AFF1: variants seen among roughly 807,000 people sequenced by gnomAD.
AFF1 encodes ALF transcription elongation factor 1, also known as AF4/FMR2 family member 1.
In AFF1, 48 loss-of-function variants were observed where a neutral mutation model predicts 121.7. That is an observed-to-expected ratio of 0.39 (90% confidence interval 0.31 to 0.50). AFF1 has a LOEUF of 0.50. Among genes scored for constraint, AFF1 ranks in the 20% least tolerant of loss-of-function variants. The pLI, the probability that AFF1 is intolerant of heterozygous loss-of-function variation, is 0.76. For synonymous variants in AFF1, 613 were observed against 563.0 expected (o/e 1.09, Z -1.26); for missense variants, 1,523 against 1,511.7 (o/e 1.01, Z -0.12).
chr4:87,056,426 G>A (rs1307012147), intron 4 of AFF1, among the ~76,000 whole-genome samples: 1 of 151,968 alleles, frequency 6.6e-6, no homozygotes, highest in Non-Finnish European at 1.5e-5. Flanking sequence ...TTTCCTTAGA[G>A]CTCAATTTTT....
chr4:86,996,173 A>C (rs1425834461), intron 2 of AFF1, among the ~76,000 whole-genome samples: 2 of 141,962 alleles, frequency 1.4e-5, no homozygotes. Context: ...GGCCGCCCCT[A>C]CTGGGAAGTG....
chr4:86,951,160 A>G (rs1267640722), intron 2 of AFF1, among the ~76,000 whole-genome samples: 1 of 152,192 alleles, frequency 6.6e-6, no homozygotes, highest in Non-Finnish European at 1.5e-5. Context: ...GTCATATAGC[A>G]ATGCTCAGAA....
intron 4 of AFF1, among the ~76,000 whole-genome samples, chr4:87,067,755 T>C (rs1055824700): frequency 5.1e-4 from 77 of 152,342 alleles, no homozygotes; most frequent in African/African-American, 1.8e-3. Flanking sequence ...GTTTCTAATA[T>C]GTCAGAATTG....
At chr4:86,995,852 CA>C in intron 2 of AFF1, among the ~76,000 whole-genome samples, 1 of 150,804 alleles carries the variant, frequency 6.6e-6, no homozygotes, top group African/African-American at 2.5e-5. Flanking sequence ...GCCGCCATCC[CA>C]TCTGGGAAGT....
chr4:87,026,411 G>A (rs1222237541), intron 2 of AFF1, among the ~76,000 whole-genome samples: 2 of 152,042 alleles, frequency 1.3e-5, no homozygotes, highest in East Asian at 3.9e-4. Flanking sequence ...ACCATTCCCT[G>A]TACTCGTTTA....
rs751029258 is a variant in AFF1 at position 87,069,816 on chromosome 4, A to ATTT, written c.1060-14286_1060-14284dup. ...AATAAGGTATTCCTTATCACTCAGG[A>ATTT]TTTTTTTTTTTTTTTTTTTTGAGAC... On this transcript the variant is annotated intron_variant, in intron 4 of 20. Transcript: ENST00000395146. 4.0e-3 allele frequency among the ~76,000 whole-genome samples: 491 copies of ATTT among 121,276 alleles called. 12 individuals are homozygous for ATTT. Among genetic ancestry groups the ATTT allele is most frequent in the Middle Eastern group, 0.015 (3 of 196 alleles). 79.6% of individuals were successfully genotyped at this position (121,276 alleles called of 152,430 possible).
chr4:86,986,933 C>T (rs2053770), intron 2 of AFF1, among the ~76,000 whole-genome samples: 65,173 of 151,828 alleles, frequency 0.43, 16,689 homozygotes, highest in South Asian at 0.65. Flanking sequence ...GCATGGCTTG[C>T]TGGGTACAAG....
At chr4:86,953,125 A>C (rs1268528561) in intron 2 of AFF1, among the ~76,000 whole-genome samples, 3 of 152,122 alleles carry the variant, frequency 2.0e-5, no homozygotes, top group Non-Finnish European at 4.4e-5. Flanking sequence ...CATTCTAGCA[A>C]TTACAGAGCT....
intron 4 of AFF1, among the ~76,000 whole-genome samples, chr4:87,068,410 G>C (rs1721609184): frequency 6.6e-6 from 1 of 152,176 alleles, no homozygotes; most frequent in South Asian, 2.1e-4. Context: ...GGTTTTAATA[G>C]GAACTCCCAC....
chr4:87,022,596 A>ATATC (rs1728088941), intron 2 of AFF1, among the ~76,000 whole-genome samples: 4 of 102,676 alleles, frequency 3.9e-5, no homozygotes, highest in Non-Finnish European at 5.9e-5. Context: ...ATCTATATCT[A>ATATC]TCTGTGTGTA....
rs1452808631 is a variant in AFF1 at position 87,137,069 on chromosome 4, A to T, written c.*1368A>T. ...ACAATCAGAAATCCCATGTGCCCATAAGCACAGATTTTTCTTTTTCATTGA... is the reference window on the plus strand; with the variant it reads ...ACAATCAGAAATCCCATGTGCCCATTAGCACAGATTTTTCTTTTTCATTGA... On this transcript the variant is annotated 3_prime_UTR_variant, in exon 21 of 21. Coordinates refer to ENST00000395146, the MANE Select transcript of AFF1 (RefSeq NM_001166693.3). 1 of 224,422 alleles carries T rather than the reference A, an allele frequency of 4.5e-6. No homozygotes were observed. Among genetic ancestry groups the T allele is most frequent in the Admixed American group, 5.7e-5 (1 of 17,428 alleles). The allele number at this position is 224,422 out of a possible 1,614,324, so 13.9% of individuals were successfully genotyped here.
chr4:86,954,291 C>G (rs1022663470), intron 2 of AFF1, among the ~76,000 whole-genome samples: 3 of 152,064 alleles, frequency 2.0e-5, no homozygotes, highest in African/African-American at 7.2e-5. Flanking sequence ...CTTTTGGCTC[C>G]CTAAAAGCTT....
intron 2 of AFF1, among the ~76,000 whole-genome samples, chr4:86,979,342 T>C (rs1310849102): frequency 3.9e-5 from 6 of 151,904 alleles, no homozygotes; most frequent in Non-Finnish European, 8.8e-5. Context: ...CAGGTGATCC[T>C]CCCGCCTCGG....
intron 2 of AFF1, among the ~76,000 whole-genome samples, chr4:86,955,503 A>AT (rs906909316): frequency 6.6e-6 from 1 of 151,982 alleles, no homozygotes; most frequent in Non-Finnish European, 1.5e-5. Context: ...GAAATGTCTC[A>AT]TTTTCTCCTT....
Position 87,125,131 on chromosome 4 carries a change from C to T in AFF1, c.2561C>T (p.Ser854Phe), listed in dbSNP as rs1213805191. The T allele has an allele frequency of 6.2e-7, 1 of 1,609,308 alleles. No individual in the cohort carries two copies. Among genetic ancestry groups the T allele is most frequent in the Non-Finnish European group, 8.5e-7 (1 of 1,177,268 alleles). ...SSSSSSSHKE[S>F]SKTKPSRPSS... ...TCATCTTCATCCTCCCACAAAGAAT[C>T]TTCTAAAACAAAGTGAGTATAGAGA... The change falls in exon 13 of 21, where the codon TCT becomes TTT. Residue 854 changes from serine (S) to phenylalanine (F), a missense_variant. Ser to Phe is a radical substitution (Grantham distance 155). Transcript: ENST00000395146.
chr4:87,080,863 T>C (rs2149696378), intron 4 of AFF1, among the ~76,000 whole-genome samples: 1 of 152,074 alleles, frequency 6.6e-6, no homozygotes, highest in Non-Finnish European at 1.5e-5. Flanking sequence ...GCGAGAAGAG[T>C]GAAGATGTGA....
chr4:87,022,588 C>A (rs61590827), intron 2 of AFF1, among the ~76,000 whole-genome samples: 11,419 of 106,542 alleles, frequency 0.11, 979 homozygotes, highest in East Asian at 0.17. Flanking sequence ...ATATATCTAT[C>A]TATATCTATC....
chr4:87,065,200 C>G (rs180720773), intron 4 of AFF1, among the ~76,000 whole-genome samples: 1 of 152,322 alleles, frequency 6.6e-6, no homozygotes, highest in Admixed American at 6.5e-5. Flanking sequence ...GCCTCACAGT[C>G]ATGCGGAAGG....
rs183791237 is a variant in AFF1 at position 86,989,022 on chromosome 4, A to T, written c.38+40451A>T. The stretch of plus-strand genomic sequence containing the variant: ...AAACTGGACCCCTTCCTTACACCTT[A>T]TACAAAAATTAACTCAAGATGGATT... On this transcript the variant is annotated intron_variant, in intron 2 of 20. Coordinates refer to ENST00000395146, the MANE Select transcript of AFF1 (RefSeq NM_001166693.3). 8.6e-3 allele frequency among the ~76,000 whole-genome samples: 1,317 copies of T among 152,322 alleles called. 24 individuals carry two copies. The highest frequency in any genetic ancestry group is 0.031 in the African/African-American group (1,268 of 41,570).
Sources: gnomAD v4.1 joint callset for allele counts (sites outside exome capture counted in the v4.1 genomes callset) on GRCh38, gnomAD v4.1.1 for gene constraint, MANE v1.5 for transcripts, NCBI Gene and HGNC (gene_info 2026-07-23, HGNC 2026-07-21) for gene names.